ZNF483: variants seen among roughly 807,000 people sequenced by gnomAD.
ZNF483 encodes zinc finger protein HIT-10.
ZNF483 carries 9 observed loss-of-function variants against 28.6 expected under a neutral mutation model. The ratio of observed to expected loss-of-function variants is 0.32; its 90% CI spans 0.19 to 0.55. ZNF483 has a LOEUF of 0.55. Among genes scored for constraint, ZNF483 ranks in the 20% least tolerant of loss-of-function variants. ZNF483 has a pLI of 0.93. For synonymous variants in ZNF483, 322 were observed against 306.2 expected, an observed-to-expected ratio of 1.05 and a Z score of -0.54; for missense variants, 675 against 871.7, an observed-to-expected ratio of 0.77 and a Z score of 2.84.
chr9:111,535,579 C>T (rs911435778), intron 5 of ZNF483, among the ~76,000 whole-genome samples: 2 of 152,238 alleles, frequency 1.3e-5, no homozygotes, highest in African/African-American at 4.8e-5. Flanking sequence ...GAGTCTTGCT[C>T]TGTCACCAGG....
At chr9:111,573,603 T>C (rs1828928612) in intron 5 of ZNF483, among the ~76,000 whole-genome samples, 1 of 152,180 alleles carries the variant, frequency 6.6e-6, no homozygotes, top group African/African-American at 2.4e-5. Flanking sequence ...CATAGGTAAT[T>C]TGTGATCTCT....
intron 5 of ZNF483, among the ~76,000 whole-genome samples, chr9:111,573,988 G>C (rs118156157): frequency 6.6e-6 from 1 of 152,282 alleles, no homozygotes; most frequent in East Asian, 1.9e-4. Context: ...TCAGCCTGCT[G>C]AGGCCAAGAC....
chr9:111,531,512 G>C (rs868041661), intron 3 of ZNF483, among the ~76,000 whole-genome samples: 10 of 152,198 alleles, frequency 6.6e-5, no homozygotes, highest in Non-Finnish European at 4.4e-5. Context: ...GAGTAGCTGG[G>C]ATTATAGGCT....
At chr9:111,534,175 T>G in intron 4 of ZNF483, 86 bp from the exon 5 acceptor site, 1 of 1,168,698 alleles carries the variant, frequency 8.6e-7, no homozygotes, top group Non-Finnish European at 1.2e-6. Flanking sequence ...TTTATCTTCC[T>G]TGGAGAACCA....
chr9:111,561,777 C>A (rs912014298), intron 5 of ZNF483, among the ~76,000 whole-genome samples: 4 of 152,190 alleles, frequency 2.6e-5, no homozygotes, highest in African/African-American at 9.6e-5. Context: ...TAATCACAAG[C>A]AATAGGGGTG....
chr9:111,563,884 G>A (rs1251559426), intron 5 of ZNF483: 1 of 152,472 alleles, frequency 6.6e-6, no homozygotes, highest in African/African-American at 2.4e-5. Flanking sequence ...AATAGACAGA[G>A]AAAAGAGCAC....
intron 5 of ZNF483, chr9:111,563,067 AAAAC>A (rs1828380005): frequency 6.3e-7 from 1 of 1,594,336 alleles, no homozygotes; most frequent in African/African-American, 1.4e-5. Flanking sequence ...TAAATGGTGA[AAAAC>A]AAATTAACTA....
chr9:111,546,241 G>C lies in ZNF483; in HGVS notation c.*3071G>C, dbSNP rs527440629. On this transcript the variant is annotated 3_prime_UTR_variant, in exon 6 of 6. Coordinates refer to ENST00000309235, the MANE Select transcript of ZNF483 (RefSeq NM_133464.5). ...CAGATTTTTTGTCCATTTAAAATTGGAGTTTGCTGATACTGTGTTGTAGTC... is the reference window on the plus strand; with the variant it reads ...CAGATTTTTTGTCCATTTAAAATTGCAGTTTGCTGATACTGTGTTGTAGTC... 6.6e-6 allele frequency among the ~76,000 whole-genome samples: 1 copy of C among 152,118 alleles called. No individual in the cohort carries two copies. Among genetic ancestry groups the C allele is most frequent in the African/African-American group, 2.4e-5 (1 of 41,430 alleles).
chr9:111,534,942 C>T (rs1168102863), intron 5 of ZNF483, among the ~76,000 whole-genome samples: 1 of 151,984 alleles, frequency 6.6e-6, no homozygotes, highest in African/African-American at 2.4e-5. Context: ...CCAGGCTAGT[C>T]TTGAACTCCT....
downstream of ZNF483, among the ~76,000 whole-genome samples, chr9:111,555,822 T>G (rs1213378909): frequency 6.6e-6 from 1 of 152,176 alleles, no homozygotes; most frequent in African/African-American, 2.4e-5. Context: ...TTCAACAGAT[T>G]TGGGTGGGGA....
intron 5 of ZNF483, among the ~76,000 whole-genome samples, chr9:111,566,030 C>T (rs1472031302): frequency 6.6e-6 from 1 of 151,764 alleles, no homozygotes; most frequent in Non-Finnish European, 1.5e-5. Flanking sequence ...TGGCCAACAT[C>T]GTGAAACCCC....
At chr9:111,539,330 GA>G in intron 5 of ZNF483, 1 of 381,604 alleles carries the variant, frequency 2.6e-6, no homozygotes, top group East Asian at 7.8e-5. Flanking sequence ...AAGATTTAAA[GA>G]ATATTTGACC....
chr9:111,561,686 ATAAT>A (rs1828327852), intron 5 of ZNF483, among the ~76,000 whole-genome samples: 1 of 152,164 alleles, frequency 6.6e-6, no homozygotes, highest in Non-Finnish European at 1.5e-5. Context: ...GGTGTGTTGA[ATAAT>A]TAGACTCATC....
chr9:111,528,732 G>T (rs185019281), intron 2 of ZNF483, among the ~76,000 whole-genome samples: 1 of 152,060 alleles, frequency 6.6e-6, no homozygotes, highest in Non-Finnish European at 1.5e-5. Flanking sequence ...CACTTAATTC[G>T]CCATCACGCA....
At position 111,553,174 on chromosome 9, in the gene ZNF483, T is replaced by C. The variant is rs903879354; in HGVS notation, c.*10004T>C. Among the ~76,000 whole-genome samples, 6 of 152,216 alleles carry C rather than the reference T, an allele frequency of 3.9e-5. No homozygotes were observed. Among genetic ancestry groups the C allele is most frequent in the African/African-American group, 1.2e-4 (5 of 41,468 alleles). Reference sequence around the variant, plus strand: ...ATATTGTCTTAAGTATTATCTACTATGTATCTTTAACACTTTTGAATAGAA... The same window carrying C: ...ATATTGTCTTAAGTATTATCTACTACGTATCTTTAACACTTTTGAATAGAA... On this transcript the variant is annotated 3_prime_UTR_variant, in exon 6 of 6. Coordinates refer to ENST00000309235, the MANE Select transcript of ZNF483 (RefSeq NM_133464.5).
Position 111,542,773 on chromosome 9 carries a change from G to T in ZNF483, c.1838G>T (p.Gly613Val). ...GEKPYLCNDC[G>V]MTFSHFTSVI... ...AAACCATATTTGTGTAATGATTGCG[G>T]AATGACTTTTAGCCATTTTACGTCT... The change falls in exon 6 of 6, where the codon GGA becomes GTA. Residue 613 changes from glycine to valine, a missense_variant. This residue lies in a region of ZNF483 where 47 missense variants were observed against 93.5 expected (regional missense o/e 0.50). Transcript: ENST00000309235. This position sits in a 1 kb window ranked among gnomAD's most constrained non-coding sequence, Gnocchi z 6.2. 1 of 1,614,022 alleles carries T rather than the reference G, an allele frequency of 6.2e-7. No homozygotes were observed. The highest frequency in any genetic ancestry group is 8.5e-7 in the Non-Finnish European group (1 of 1,179,946).
At chr9:111,541,180 C>G (rs1285779016) in intron 5 of ZNF483, among the ~76,000 whole-genome samples, 6 of 150,964 alleles carry the variant, frequency 4.0e-5, no homozygotes, top group Admixed American at 2.0e-4. Context: ...ACCTCCGCCT[C>G]CTGGGTTCAA....
rs533126411 is a variant in ZNF483 at position 111,538,849 on chromosome 9, C to T, written c.722-2808C>T. ...AAAAACTCAGCCAGGTGTGGTGGCT[C>T]ACCTGTAATCCCAGCACTTTGGGAA... On this transcript the variant is annotated intron_variant, in intron 5 of 5. Transcript: ENST00000309235. 9.2e-5 allele frequency among the ~76,000 whole-genome samples: 14 copies of T among 152,164 alleles called. 1 individual carries two copies. In the South Asian group the frequency reaches 2.7e-3, roughly 29 times the overall value.
At chr9:111,568,614 C>T (rs372415328) in intron 5 of ZNF483, among the ~76,000 whole-genome samples, 147 of 152,258 alleles carry the variant, frequency 9.7e-4, no homozygotes, top group African/African-American at 3.4e-3. Context: ...ACTCCCTGTT[C>T]GTACACCCCC....
Sources: gnomAD v4.1 joint callset for allele counts (sites outside exome capture counted in the v4.1 genomes callset) on GRCh38, gnomAD v4.1.1 for gene constraint, gnomAD v4.1.1 regional missense constraint, Gnocchi (gnomAD v3.1) non-coding constraint, MANE v1.5 for transcripts, NCBI Gene and HGNC (gene_info 2026-07-23, HGNC 2026-07-21) for gene names.